AAMDC: variants seen among roughly 807,000 people sequenced by gnomAD.
The protein encoded by AAMDC is mth938 domain-containing protein.
AAMDC carries 16 observed loss-of-function variants against 15.5 expected under a neutral mutation model. The observed-to-expected ratio is 1.03, with a 90% CI of 0.70 to 1.57. The LOEUF is 1.57. Among genes scored for constraint, AAMDC ranks in the 40% most tolerant of loss-of-function variants. The probability of loss-of-function intolerance (pLI) is 0.00; values close to 1 mark genes in which losing one functional copy is unlikely to be tolerated. For missense variants in AAMDC, 141 were observed against 144.9 expected (o/e 0.97, Z 0.14); for synonymous variants, 51 against 51.6 (o/e 0.99, Z 0.05).
chr11:77,834,864 T>A (rs1295937214), intron 1 of AAMDC, among the ~76,000 whole-genome samples: 1 of 152,174 alleles, frequency 6.6e-6, no homozygotes, highest in Non-Finnish European at 1.5e-5. Flanking sequence ...ATCTCACCTT[T>A]ACCACTCAAA....
downstream of AAMDC, chr11:77,901,500 T>C: frequency 1.2e-6 from 2 of 1,612,948 alleles, no homozygotes; most frequent in Non-Finnish European, 1.7e-6. Context: ...ACCACCTGCT[T>C]ATTCTCCACA....
At chr11:77,901,347 G>A (rs1952771464), downstream of AAMDC, 9 of 1,439,108 alleles carry the variant, frequency 6.3e-6, no homozygotes, top group South Asian at 1.2e-5. Context: ...ATTAACTTTC[G>A]TGTGATGTCT....
chr11:77,897,362 A>G (rs1952569286), intron 5 of AAMDC, among the ~76,000 whole-genome samples: 1 of 151,422 alleles, frequency 6.6e-6, no homozygotes, highest in South Asian at 2.1e-4. Context: ...TTTTATAAAA[A>G]AATTAAAAAT....
At chr11:77,838,189 A>G (rs959906591) in intron 1 of AAMDC, among the ~76,000 whole-genome samples, 2 of 147,528 alleles carry the variant, frequency 1.4e-5, no homozygotes, top group Non-Finnish European at 3.0e-5. Context: ...AAGGAGACAC[A>G]TATAGGTGCC....
At chr11:77,890,079 A>G (rs1952198030) in intron 5 of AAMDC, among the ~76,000 whole-genome samples, 1 of 152,144 alleles carries the variant, frequency 6.6e-6, no homozygotes, top group Non-Finnish European at 1.5e-5. Flanking sequence ...ACACCTATTC[A>G]TCTGTTCTTC....
At chr11:77,832,954 TGTGTGTGTGTGTGTG>T (rs1949506628) in intron 1 of AAMDC, among the ~76,000 whole-genome samples, 1 of 5,122 alleles carries the variant, frequency 2.0e-4, no homozygotes, top group Non-Finnish European at 3.5e-4. Context: ...TATATATATG[TGTGTGTGTGTGTGTG>T]TGTGTGTGTG....
intron 1 of AAMDC, among the ~76,000 whole-genome samples, chr11:77,826,870 C>T (rs1480109880): frequency 1.1e-4 from 16 of 152,104 alleles, no homozygotes; most frequent in Non-Finnish European, 1.5e-5. Context: ...TTTGAGAGGC[C>T]GAGGTGGGCA....
chr11:77,889,867 A>G (rs1377001337), intron 5 of AAMDC, among the ~76,000 whole-genome samples: 1 of 152,140 alleles, frequency 6.6e-6, no homozygotes, highest in African/African-American at 2.4e-5. Flanking sequence ...GTTTTTTAGG[A>G]GACAGTCTAG....
In AAMDC at chr11:77,871,803, A is replaced by C. The variant is rs1307308348; in HGVS notation, c.229-372A>C. The stretch of plus-strand genomic sequence containing the variant: ...TGTTTCACATACCCTTAGCTCAGTT[A>C]GTTGTCATACCAACCCTAGGTGTTA... On this transcript the variant is annotated intron_variant, in intron 3 of 3. Transcript: ENST00000393427. Among the ~76,000 whole-genome samples, 12 of 152,350 alleles carry C rather than the reference A, an allele frequency of 7.9e-5. No individual in the cohort carries two copies. The East Asian group carries it at 2.3e-3, about 29-fold the overall frequency.
intron 5 of AAMDC, among the ~76,000 whole-genome samples, chr11:77,877,588 T>C (rs1951633901): frequency 6.6e-6 from 1 of 152,166 alleles, no homozygotes; most frequent in Non-Finnish European, 1.5e-5. Flanking sequence ...CTTAGACCTT[T>C]GGGATCTTCT....
chr11:77,882,783 A>C (rs1951842826), intron 5 of AAMDC, among the ~76,000 whole-genome samples: 1 of 152,126 alleles, frequency 6.6e-6, no homozygotes, highest in Non-Finnish European at 1.5e-5. Context: ...GGAAACCATT[A>C]ATAAAGGCCC....
At chr11:77,898,868 A>G (rs1031022072) in intron 5 of AAMDC, among the ~76,000 whole-genome samples, 1 of 152,038 alleles carries the variant, frequency 6.6e-6, no homozygotes, top group Admixed American at 6.5e-5. Context: ...AAAAATAAAA[A>G]AATTAGCTGA....
At chr11:77,871,668 A>T (rs993386516) in intron 3 of AAMDC, among the ~76,000 whole-genome samples, 1 of 152,234 alleles carries the variant, frequency 6.6e-6, no homozygotes, top group African/African-American at 2.4e-5. Context: ...GGGAGACTTT[A>T]AAGAGCTAGC....
At chr11:77,870,184 A>AT (rs1180735263) in intron 3 of AAMDC, 116 of 143,484 alleles carry the variant, frequency 8.1e-4, no homozygotes, top group Middle Eastern at 3.5e-3. Flanking sequence ...ATTTAATTTA[A>AT]TTTTTTTTTT....
intron 5 of AAMDC, among the ~76,000 whole-genome samples, chr11:77,896,479 CCT>C (rs949954845): frequency 3.3e-5 from 5 of 151,834 alleles, no homozygotes; most frequent in African/African-American, 9.7e-5. Context: ...ATGGAGAAAC[CCT>C]GTCTCTACTA....
intron 1 of AAMDC, among the ~76,000 whole-genome samples, chr11:77,838,220 G>GTTTGTGTGTT (rs150514688): frequency 0.18 from 26,736 of 152,170 alleles, 2,819 homozygotes; most frequent in Non-Finnish European, 0.24. Flanking sequence ...GATGTAGACT[G>GTTTGTGTGTT]TGACTGTTAG....
At position 77,858,194 on chromosome 11, in the gene AAMDC, A is replaced by AT. The variant is rs71046920; in HGVS notation, c.133-11510dup. The stretch of plus-strand genomic sequence containing the variant: ...CCACCATGCCTGGCTAATATATATA[A>AT]TTTTTTTTTTTTTTTTTTGAGACAG... On this transcript the variant is annotated intron_variant, in intron 2 of 3. Transcript: ENST00000393427. Among the ~76,000 whole-genome samples, 772 of 130,794 alleles carry AT rather than the reference A, an allele frequency of 5.9e-3. 15 individuals are homozygous for AT. The highest frequency in any genetic ancestry group is 0.036 in the Admixed American group (460 of 12,882). The allele number at this position is 130,794 out of a possible 152,430, so 85.8% of individuals were successfully genotyped here.
chr11:77,900,663 A>G (rs1207333690), exon 6 of AAMDC: 1 of 692,844 alleles, frequency 1.4e-6, no homozygotes, highest in African/African-American at 1.8e-5. Context: ...CATTCTTAAG[A>G]TGCACCTTTA....
At chr11:77,876,264 G>A (rs191297743), downstream of AAMDC, among the ~76,000 whole-genome samples, 24 of 152,240 alleles carry the variant, frequency 1.6e-4, no homozygotes, top group South Asian at 2.1e-4. Flanking sequence ...AAGTCACCTG[G>A]GGAAGAAACC....
Sources: allele counts gnomAD v4.1 joint callset (sites outside exome capture counted in the v4.1 genomes callset), GRCh38; gene constraint gnomAD v4.1.1; transcripts MANE v1.5; gene names NCBI Gene and HGNC (gene_info 2026-07-23, HGNC 2026-07-21).